EPAS1: variants seen among roughly 807,000 people sequenced by gnomAD.
EPAS1 encodes endothelial PAS domain-containing protein 1.
Under a neutral mutation model 87.9 loss-of-function variants are expected in EPAS1, and 23 were observed. That is an observed-to-expected ratio of 0.26 (90% CI 0.19 to 0.37). EPAS1 has a LOEUF of 0.37. Among genes scored for constraint, EPAS1 ranks in the 10% least tolerant of loss-of-function variants. The pLI, the probability that EPAS1 is intolerant of heterozygous loss-of-function variation, is 1.00. For synonymous variants in EPAS1, 508 were observed against 444.3 expected (o/e 1.14, Z -1.80); for missense variants, 1,138 against 1,120.7 (o/e 1.02, Z -0.22).
chr2:46,359,257 CAAAAAAAAAA>C (rs57351888), intron 4 of EPAS1, among the ~76,000 whole-genome samples: 3 of 25,090 alleles, frequency 1.2e-4, no homozygotes, highest in African/African-American at 2.0e-4. Context: ...GATTCTGTCT[CAAAAAAAAAA>C]AAAAAAAAAA....
chr2:46,353,585 CT>C (rs1684213206), intron 2 of EPAS1, among the ~76,000 whole-genome samples: 1 of 152,206 alleles, frequency 6.6e-6, no homozygotes, highest in Non-Finnish European at 1.5e-5. Context: ...TTTGAAAGCA[CT>C]GAGTTAAGTC....
chr2:46,315,099 C>T (rs1329779781), intron 1 of EPAS1, among the ~76,000 whole-genome samples: 1 of 152,178 alleles, frequency 6.6e-6, no homozygotes, highest in Admixed American at 6.5e-5. Flanking sequence ...TGGATTGGGG[C>T]TTCCAAAATA....
chr2:46,360,838 C>A lies in EPAS1; in HGVS notation c.574-47C>A, dbSNP rs375775307. On this transcript the variant is annotated intron_variant, in intron 5 of 15. Coordinates refer to ENST00000263734, the MANE Select transcript of EPAS1 (RefSeq NM_001430.5). This position sits in a 1 kb window ranked among gnomAD's most constrained non-coding sequence, Gnocchi z 4.5. ...GGGATGCCTAAGGCCCTACCCCCAC[C>A]CCCAGCACTCTCGGCTCCATGTCTG... 2.0e-5 allele frequency: 32 copies of A among 1,613,124 alleles called. No individual in the cohort carries two copies. In the African/African-American group the frequency reaches 2.7e-4, roughly 13 times the overall value.
intron 1 of EPAS1, among the ~76,000 whole-genome samples, chr2:46,306,629 C>T (rs1447719382): frequency 2.6e-5 from 4 of 152,170 alleles, no homozygotes; most frequent in East Asian, 1.9e-4. Context: ...TGGAAAAATA[C>T]GTCACACACA....
intron 2 of EPAS1, among the ~76,000 whole-genome samples, chr2:46,350,034 A>T (rs1323612009): frequency 1.3e-5 from 2 of 152,250 alleles, no homozygotes; most frequent in Non-Finnish European, 2.9e-5. Context: ...AAAAGGCCTT[A>T]TCCTCTAGCC....
At chr2:46,343,505 AAT>A (rs2104868733) in intron 1 of EPAS1, among the ~76,000 whole-genome samples, 1 of 152,336 alleles carries the variant, frequency 6.6e-6, no homozygotes, top group South Asian at 2.1e-4. Context: ...GTTTTTAGCA[AAT>A]TATTTAATCT....
chr2:46,348,486 A>C (rs1009410938), intron 2 of EPAS1, among the ~76,000 whole-genome samples: 3 of 152,232 alleles, frequency 2.0e-5, no homozygotes, highest in African/African-American at 4.8e-5. Flanking sequence ...TTTACATAAA[A>C]AGAGTAGACA....
At position 46,347,251 on chromosome 2, in the gene EPAS1, C is replaced by T. The variant is rs145496849; in HGVS notation, c.217+188C>T. 1.5e-3 allele frequency: 1,032 copies of T among 693,728 alleles called. 7 individuals are homozygous for T. The African/African-American group carries it at 0.016, about 11-fold the overall frequency. The allele number at this position is 693,728 out of a possible 1,614,324, so 43.0% of individuals were successfully genotyped here. On this transcript the variant is annotated intron_variant, in intron 2 of 15. Transcript: ENST00000263734. This position sits in a 1 kb window ranked among gnomAD's most constrained non-coding sequence, Gnocchi z 4.2. ...TCTCTCTTCCAGCAGTGACCTTTACCGTGAATCCAGCTGTGAGAGGAGGGC... is the reference window on the plus strand; with the variant it reads ...TCTCTCTTCCAGCAGTGACCTTTACTGTGAATCCAGCTGTGAGAGGAGGGC...
Position 46,347,340 on chromosome 2 carries a change from C to A in EPAS1, c.217+277C>A. ...TGTGGAGAACACGGGCTGGGAGAAC[C>A]AAGGACGGCTTTTGCTGACTTCTCA... On this transcript the variant is annotated intron_variant, in intron 2 of 15. Coordinates refer to ENST00000263734, the MANE Select transcript of EPAS1 (RefSeq NM_001430.5). This position sits in a 1 kb window ranked among gnomAD's most constrained non-coding sequence, Gnocchi z 4.2. The A allele has an allele frequency of 1.9e-6, 1 of 523,534 alleles. No individual in the cohort carries two copies. The highest frequency in any genetic ancestry group is 3.5e-6 in the Non-Finnish European group (1 of 288,598). The allele number at this position is 523,534 out of a possible 1,614,324, so 32.4% of individuals were successfully genotyped here. A position where few individuals can be genotyped will look rare whatever the true frequency, so the allele number is the denominator to read the frequency against.
rs1304223246 is a variant in EPAS1 at position 46,371,341 on chromosome 2, G to C, written c.886+1408G>C. On this transcript the variant is annotated intron_variant, in intron 7 of 15. Coordinates refer to ENST00000263734, the MANE Select transcript of EPAS1 (RefSeq NM_001430.5). The surrounding 1 kb of genome is among the most constrained non-coding windows in gnomAD (Gnocchi z 4.3). ...CATGGTTAACCCACTCTTAAGGAGT[G>C]AGATCTTTCTTTTCTTTTATTGGTT... is the stretch of plus-strand genomic sequence containing the variant. Among the ~76,000 whole-genome samples, 1 of 152,188 alleles carries C rather than the reference G, an allele frequency of 6.6e-6. No individual in the cohort carries two copies. The highest frequency in any genetic ancestry group is 1.5e-5 in the Non-Finnish European group (1 of 68,024).
chr2:46,373,087 T>G (rs59179400), intron 7 of EPAS1, among the ~76,000 whole-genome samples: 19,008 of 152,212 alleles, frequency 0.12, 2,304 homozygotes, highest in African/African-American at 0.31. Context: ...CTGTCACTAT[T>G]GTCTTGTAAG....
chr2:46,381,826 T>A (rs556678085), intron 13 of EPAS1, 104 bp downstream of exon 13: 9 of 1,573,806 alleles, frequency 5.7e-6, no homozygotes, highest in Non-Finnish European at 7.8e-6. Flanking sequence ...GCATAGCCCT[T>A]AGGGAACCCA....
Position 46,374,672 on chromosome 2 carries a change from G to A in EPAS1, c.887-1018G>A, listed in dbSNP as rs544829371. ...TTCCTAACGTCTCTGTGATTTGGGAGCTTCTGAGCTGGAGTTCTGTAAATT... is the reference window on the plus strand; with the variant it reads ...TTCCTAACGTCTCTGTGATTTGGGAACTTCTGAGCTGGAGTTCTGTAAATT... On this transcript the variant is annotated intron_variant, in intron 7 of 15. Coordinates refer to ENST00000263734, the MANE Select transcript of EPAS1 (RefSeq NM_001430.5). 3.9e-5 allele frequency among the ~76,000 whole-genome samples: 6 copies of A among 152,284 alleles called. No individual in the cohort carries two copies. The East Asian group carries it at 7.7e-4, about 20-fold the overall frequency.
chr2:46,383,739 A>G (rs879672428), intron 15 of EPAS1, among the ~76,000 whole-genome samples: 2 of 152,252 alleles, frequency 1.3e-5, no homozygotes, highest in African/African-American at 2.4e-5. Context: ...CTGACCATGA[A>G]TAAGAGAAGT....
At chr2:46,335,242 T>A (rs1212909231) in intron 1 of EPAS1, among the ~76,000 whole-genome samples, 1 of 152,212 alleles carries the variant, frequency 6.6e-6, no homozygotes. Context: ...ACTATTAGCA[T>A]GTGATCAAGC....
intron 1 of EPAS1, among the ~76,000 whole-genome samples, chr2:46,301,400 C>A (rs1037008479): frequency 3.3e-5 from 5 of 152,100 alleles, no homozygotes; most frequent in African/African-American, 1.2e-4. Flanking sequence ...CATGGTGAAA[C>A]CCCGTCTCTA....
chr2:46,299,292 G>T (rs1412681512), intron 1 of EPAS1, among the ~76,000 whole-genome samples: 1 of 152,198 alleles, frequency 6.6e-6, no homozygotes, highest in African/African-American at 2.4e-5. Context: ...TTCACTGCGG[G>T]ATCGCTAGGG....
At chr2:46,327,006 G>T (rs1378433528) in intron 1 of EPAS1, among the ~76,000 whole-genome samples, 1 of 152,150 alleles carries the variant, frequency 6.6e-6, no homozygotes, top group Admixed American at 6.5e-5. Context: ...GTAGGTCACT[G>T]TTGTACCTAT....
chr2:46,384,304 C>G (rs1684961676), intron 15 of EPAS1, among the ~76,000 whole-genome samples: 1 of 152,180 alleles, frequency 6.6e-6, no homozygotes, highest in Non-Finnish European at 1.5e-5. Context: ...TTTCCTCTTT[C>G]TTGGGTCTCA....
Sources: allele counts gnomAD v4.1 joint callset (sites outside exome capture counted in the v4.1 genomes callset), GRCh38; gene constraint gnomAD v4.1.1; non-coding constraint Gnocchi (gnomAD v3.1); transcripts MANE v1.5; gene names NCBI Gene and HGNC (gene_info 2026-07-23, HGNC 2026-07-21).